The following OR6F1 variants were observed in gnomAD, a reference collection of about 807,000 sequenced individuals.
OR6F1 encodes the protein olfactory receptor 6F1.
For synonymous variants in OR6F1, 144 were observed against 150.0 expected, an observed-to-expected ratio of 0.96 and a Z score of 0.29; for missense variants, 346 against 376.0, an observed-to-expected ratio of 0.92 and a Z score of 0.66.
intron 1 of OR6F1, among the ~76,000 whole-genome samples, 186 bp downstream of exon 1, chr1:247,716,145 C>T (rs938888680): frequency 2.6e-5 from 4 of 151,950 alleles, no homozygotes; most frequent in East Asian, 1.9e-4. Flanking sequence ...CCCAGCTACT[C>T]GGGAGCCTGA....
chr1:247,715,752 AT>A (rs149832720), intron 1 of OR6F1, among the ~76,000 whole-genome samples: 1,932 of 152,290 alleles, frequency 0.013, 35 homozygotes, highest in African/African-American at 0.042. Context: ...ATTTTTAATA[AT>A]TTTTTTGTTT....
Position 247,712,655 on chromosome 1 carries a change from A to G in OR6F1, c.101T>C (p.Met34Thr), listed in dbSNP as rs747727861. The G allele has an allele frequency of 1.2e-6, 2 of 1,613,424 alleles. No homozygotes were observed. Among genetic ancestry groups the G allele is most frequent in the Middle Eastern group, 1.7e-4 (1 of 6,060 alleles). ...QLSLFMLFLV[M>T]YILTVSGNVA... ...ATTACCACTAACTGTGAGGATGTAC[A>G]TCACCAGAAAAAGCATAAAGAGAGA... is the stretch of plus-strand genomic sequence containing the variant. The change falls in exon 3 of 3, where the codon ATG becomes ACG. Residue 34 changes from methionine to threonine, a missense_variant. Met to Thr is a moderately conservative substitution (Grantham distance 81). Transcript: ENST00000641470.
Position 247,713,875 on chromosome 1 carries a change from C to G in OR6F1, c.-63+16G>C, listed in dbSNP as rs2103190802. 1 of 398,558 alleles carries G rather than the reference C, an allele frequency of 2.5e-6. No individual in the cohort carries two copies. The highest frequency in any genetic ancestry group is 1.3e-4 in the South Asian group (1 of 7,856). The allele number at this position is 398,558 out of a possible 1,614,324, so 24.7% of individuals were successfully genotyped here. On this transcript the variant is annotated intron_variant, in intron 2 of 2. Transcript: ENST00000641470. Reference sequence around the variant, plus strand: ...AAATGGGTCTACAAAGTAAACGGTGCATACATTGGCTTTACCTCATTGATG... The same window carrying G: ...AAATGGGTCTACAAAGTAAACGGTGGATACATTGGCTTTACCTCATTGATG...
In OR6F1 at chr1:247,712,355, G is replaced by A. The variant is rs533401348; in HGVS notation, c.401C>T (p.Ala134Val). ...CGCTGAGAGCAGGCTACTCATGATGGCTCCGTAGTGTAAAGGATAGCAGAT... is the reference window on the plus strand; with the variant it reads ...CGCTGAGAGCAGGCTACTCATGATGACTCCGTAGTGTAAAGGATAGCAGAT... ...LAICYPLHYG[A>V]IMSSLLSAQL... The change falls in exon 3 of 3, where the codon GCC (alanine) becomes GTC (valine). Residue 134 changes from alanine to valine, a missense_variant. Coordinates refer to ENST00000641470, the MANE Select transcript of OR6F1 (RefSeq NM_001005286.2). 2 of 1,614,154 alleles carry A rather than the reference G, an allele frequency of 1.2e-6. No individual in the cohort carries two copies. Among genetic ancestry groups the A allele is most frequent in the East Asian group, 2.2e-5 (1 of 44,882 alleles).
At chr1:247,714,843 G>C (rs930652153) in intron 1 of OR6F1, among the ~76,000 whole-genome samples, 1 of 151,998 alleles carries the variant, frequency 6.6e-6, no homozygotes, top group African/African-American at 2.4e-5. Flanking sequence ...CAACATATGT[G>C]TCATTCACGG....
chr1:247,712,465 A>T lies in OR6F1; in HGVS notation c.291T>A (p.Cys97Ter), dbSNP rs138582870. 6 of 1,614,072 alleles carry T rather than the reference A, an allele frequency of 3.7e-6. No individual in the cohort carries two copies. The Admixed American group carries it at 1.0e-4, about 27-fold the overall frequency. The change falls in exon 3 of 3, where the codon TGT becomes TGA. Residue 97 changes from cysteine (C) to a stop codon, truncating the protein, a stop_gained. Transcript: ENST00000641470. LOFTEE classifies it low-confidence loss of function (END_TRUNC). ...AGAAAACAAAGTACATCTGCAAAAG[A>T]CAGCTTGTAAATGATATGGTCTGAC... ...GRSQTISFTS[C>*]LLQMYFVFSL...
rs911527863 is a variant in OR6F1 at position 247,713,947 on chromosome 1, T to C, written c.-119A>G. The C allele has an allele frequency of 2.3e-5, 9 of 398,486 alleles. No individual in the cohort carries two copies. Among genetic ancestry groups the C allele is most frequent in the East Asian group, 2.1e-4 (6 of 28,086 alleles). 24.7% of individuals were successfully genotyped at this position (398,486 alleles called of 1,614,324 possible). ...TGCTTCTCAAGCTCTAATGGGCACA[T>C]GAATCACCTAAGGGTATTGCCAAAA... On this transcript the variant is annotated 5_prime_UTR_variant, in exon 2 of 3. An upstream start codon of the reference 5' UTR is lost. Transcript: ENST00000641470.
chr1:247,711,856 A>G lies in OR6F1; in HGVS notation c.900T>C (p.Thr300=), dbSNP rs1660007138. 1.2e-6 allele frequency: 2 copies of G among 1,612,450 alleles called. No homozygotes were observed. The highest frequency in any genetic ancestry group is 1.3e-5 in the African/African-American group (1 of 74,866). ...ATTTTCCCTTCCATTTCTTCAGCAG[A>G]GTCTCTCTTACTTCCTTATTACGAA... The part of the protein sequence containing the change: ...YTLRNKEVRE[T]LLKKWKGK The change falls in exon 3 of 3, where the codon ACT becomes ACC. Residue 300 remains threonine, a synonymous_variant. Transcript: ENST00000641470.
rs1286432535 is a variant in OR6F1 at position 247,711,931 on chromosome 1, G to A, written c.825C>T (p.His275=). The part of the protein sequence containing the change: ...KDALDLIKAV[H]VLNTVVTPVL... ...CTGGAGTCACCACAGTGTTCAGGAC[G>A]TGGACAGCTTTGATCAGATCCAAGG... Residue 275 remains histidine (H), a synonymous_variant, in exon 3 of 3, where the codon CAC becomes CAT. Coordinates refer to ENST00000641470, the MANE Select transcript of OR6F1 (RefSeq NM_001005286.2). 3.3e-5 allele frequency: 54 copies of A among 1,613,522 alleles called. No homozygotes were observed. The highest frequency in any genetic ancestry group is 4.2e-5 in the Non-Finnish European group (49 of 1,179,522).
chr1:247,714,382 A>C (rs529732791), intron 1 of OR6F1, among the ~76,000 whole-genome samples: 1 of 152,290 alleles, frequency 6.6e-6, no homozygotes, highest in Non-Finnish European at 1.5e-5. Context: ...ATATTCCACT[A>C]ATCTCCCCAT....
At chr1:247,716,025 G>T (rs2103193247) in intron 1 of OR6F1, among the ~76,000 whole-genome samples, 1 of 152,176 alleles carries the variant, frequency 6.6e-6, no homozygotes, top group East Asian at 1.9e-4. Flanking sequence ...GGTCAGGGCG[G>T]GGGGATCACT....
At chr1:247,714,535 C>T (rs1302605677) in intron 1 of OR6F1, among the ~76,000 whole-genome samples, 1 of 152,198 alleles carries the variant, frequency 6.6e-6, no homozygotes, top group Non-Finnish European at 1.5e-5. Flanking sequence ...CCTGAATTCT[C>T]CCGTGTGTAT....
At chr1:247,713,174 C>T (rs1660042115) in intron 2 of OR6F1, among the ~76,000 whole-genome samples, 1 of 152,182 alleles carries the variant, frequency 6.6e-6, no homozygotes, top group African/African-American at 2.4e-5. Flanking sequence ...TAACTAGACT[C>T]TGCATGGCCC....
At position 247,712,745 on chromosome 1, in the gene OR6F1, C is replaced by G; in HGVS notation, c.11G>C (p.Gly4Ala). 6.3e-7 allele frequency: 1 copy of G among 1,599,598 alleles called. No individual in the cohort carries two copies. The highest frequency in any genetic ancestry group is 8.5e-7 in the Non-Finnish European group (1 of 1,177,624). ...AAAGTCCTGGGGCAGAGTTTTGTTG[C>G]CTGTGTCCATTGTGGTACTGAAACC... MDT[G>A]NKTLPQDFLL... is the part of the protein sequence containing the mutation. Residue 4 changes from glycine (G) to alanine (A), a missense_variant, in exon 3 of 3, where the codon GGC becomes GCC. Gly to Ala is a moderately conservative substitution (Grantham distance 60, BLOSUM62 0). Coordinates refer to ENST00000641470, the MANE Select transcript of OR6F1 (RefSeq NM_001005286.2).
At chr1:247,714,357 G>T (rs746476251) in intron 1 of OR6F1, among the ~76,000 whole-genome samples, 11 of 152,200 alleles carry the variant, frequency 7.2e-5, no homozygotes, top group South Asian at 4.1e-4. Context: ...AACAGACCTT[G>T]CTTAAATAAC....
Position 247,712,602 on chromosome 1 carries a change from A to T in OR6F1, c.154T>A (p.Ser52Thr). The T allele has an allele frequency of 6.2e-7, 1 of 1,614,074 alleles. No homozygotes were observed. Among genetic ancestry groups the T allele is most frequent in the Non-Finnish European group, 8.5e-7 (1 of 1,179,938 alleles). ...NVAILMLVST[S>T]HQLHTPMYFF... Reference sequence around the variant, plus strand: ...TACATGGGGGTATGCAACTGATGGGAGGTGCTCACCAACATCAAGATAGCC... The same window carrying T: ...TACATGGGGGTATGCAACTGATGGGTGGTGCTCACCAACATCAAGATAGCC... The change falls in exon 3 of 3, where the codon TCC (serine) becomes ACC (threonine). Residue 52 changes from serine to threonine, a missense_variant. By Grantham distance (58) the Ser-to-Thr change is moderately conservative. Coordinates refer to ENST00000641470, the MANE Select transcript of OR6F1 (RefSeq NM_001005286.2).
intron 2 of OR6F1, 144 bp from the exon 3 acceptor site, chr1:247,712,961 A>G (rs1660037561): frequency 4.2e-6 from 2 of 481,002 alleles, no homozygotes; most frequent in African/African-American, 1.9e-5. Flanking sequence ...ACAGTGAGAT[A>G]TGTATTATTA....
rs1230722916 is a variant in OR6F1, at chr1:247,713,890, C to T, written c.-63+1G>A. ...GTAAACGGTGCATACATTGGCTTTA[C>T]CTCATTGATGGCAGAAGGGGCTTCC... On this transcript the variant is annotated splice_donor_variant, in intron 2 of 2. Transcript: ENST00000641470. LOFTEE classifies it low-confidence loss of function (5UTR_SPLICE). 2.5e-6 allele frequency: 1 copy of T among 398,448 alleles called. No homozygotes were observed. The highest frequency in any genetic ancestry group is 4.4e-5 in the Admixed American group (1 of 22,714). The allele number at this position is 398,448 out of a possible 1,614,324, so 24.7% of individuals were successfully genotyped here.
chr1:247,712,313 G>C lies in OR6F1; in HGVS notation c.443C>G (p.Ser148Cys), dbSNP rs749072564. Reference sequence around the variant, plus strand: ...AATGGCCACGAAACCACACACCCAGGAGCCCAGGGCCAGCTGCGCTGAGAG... The same window carrying C: ...AATGGCCACGAAACCACACACCCAGCAGCCCAGGGCCAGCTGCGCTGAGAG... ...SLLSAQLALGSWVCGFVAIAV... is the reference protein window; with the variant it reads ...SLLSAQLALGCWVCGFVAIAV... Residue 148 changes from serine (S) to cysteine (C), a missense_variant, in exon 3 of 3, where the codon TCC (serine) becomes TGC (cysteine). Transcript: ENST00000641470. 8.1e-6 allele frequency: 13 copies of C among 1,614,066 alleles called. No homozygotes were observed. Among genetic ancestry groups the C allele is most frequent in the Admixed American group, 3.3e-5 (2 of 60,006 alleles).
Sources: allele counts gnomAD v4.1 joint callset (sites outside exome capture counted in the v4.1 genomes callset), GRCh38; gene constraint gnomAD v4.1.1; transcripts MANE v1.5; gene names NCBI Gene and HGNC (gene_info 2026-07-23, HGNC 2026-07-21).